The following PRKG1 variants were observed in gnomAD, a reference collection of about 807,000 sequenced individuals.
The protein encoded by PRKG1 is cGMP-dependent protein kinase 1.
Under a neutral mutation model 88.1 loss-of-function variants are expected in PRKG1, and 35 were observed. That is an observed-to-expected ratio of 0.40 (90% CI 0.30 to 0.53). PRKG1 has a LOEUF of 0.53. PRKG1 is among the 20% of genes least tolerant of loss of function. PRKG1 has a pLI of 0.59. For synonymous variants in PRKG1, 303 were observed against 292.5 expected (o/e 1.04, Z -0.37); for missense variants, 540 against 839.8 (o/e 0.64, Z 4.41).
At chr10:52,211,699 TAAA>T (rs57320498) in intron 9 of PRKG1, among the ~76,000 whole-genome samples, 3 of 119,952 alleles carry the variant, frequency 2.5e-5, no homozygotes, top group East Asian at 2.2e-4. Flanking sequence ...CCTATCCTGG[TAAA>T]AAAAAAAAAA....
intron 4 of PRKG1, among the ~76,000 whole-genome samples, chr10:51,900,401 C>T (rs1252265705): frequency 6.6e-6 from 1 of 152,140 alleles, no homozygotes; most frequent in Non-Finnish European, 1.5e-5. Flanking sequence ...TTTTCATACT[C>T]TATTATAACA....
At chr10:51,835,912 A>T (rs1840119728) in intron 4 of PRKG1, among the ~76,000 whole-genome samples, 1 of 152,162 alleles carries the variant, frequency 6.6e-6, no homozygotes, top group Non-Finnish European at 1.5e-5. Context: ...TCATGTTTTT[A>T]ATAATAACAA....
At chr10:51,210,288 C>A (rs1589246507) in intron 2 of PRKG1, among the ~76,000 whole-genome samples, 1 of 151,962 alleles carries the variant, frequency 6.6e-6, no homozygotes, top group African/African-American at 2.4e-5. Context: ...ACACAACATA[C>A]CAGAATCTCT....
intron 1 of PRKG1, among the ~76,000 whole-genome samples, chr10:51,110,515 G>T (rs1304595884): frequency 1.3e-5 from 2 of 152,052 alleles, no homozygotes; most frequent in African/African-American, 4.8e-5. Context: ...GAACAAACCG[G>T]TGGTTGCCTG....
chr10:51,370,574 C>G (rs1842684094), intron 2 of PRKG1, among the ~76,000 whole-genome samples: 1 of 151,334 alleles, frequency 6.6e-6, no homozygotes, highest in Admixed American at 6.6e-5. Context: ...CCCAGCCTTA[C>G]CCTCACCATG....
intron 1 of PRKG1, among the ~76,000 whole-genome samples, chr10:51,042,753 G>A (rs1005986816): frequency 6.6e-6 from 1 of 152,154 alleles, no homozygotes; most frequent in African/African-American, 2.4e-5. Flanking sequence ...TAGACTGGAT[G>A]TTTTTGTCCC....
intron 9 of PRKG1, among the ~76,000 whole-genome samples, chr10:52,244,908 T>A (rs1045689591): frequency 9.8e-4 from 30 of 30,698 alleles, no homozygotes; most frequent in Admixed American, 2.8e-3. Flanking sequence ...ATAAACTTTT[T>A]AAAATATATA....
At chr10:52,224,587 T>A (rs60386263) in intron 9 of PRKG1, among the ~76,000 whole-genome samples, 1 of 106,810 alleles carries the variant, frequency 9.4e-6, no homozygotes, top group Non-Finnish European at 1.9e-5. Context: ...TAGTCTATCC[T>A]TCGCCCCACC....
At chr10:51,122,761 G>A (rs891019985) in intron 1 of PRKG1, among the ~76,000 whole-genome samples, 2 of 152,092 alleles carry the variant, frequency 1.3e-5, no homozygotes, top group East Asian at 3.9e-4. Context: ...TTGTTCTCCC[G>A]TTGAGCATCA....
At chr10:52,089,887 T>A (rs1310876031) in intron 7 of PRKG1, among the ~76,000 whole-genome samples, 1 of 136,024 alleles carries the variant, frequency 7.4e-6, no homozygotes, top group Non-Finnish European at 1.5e-5. Flanking sequence ...CAATCTCGGC[T>A]CACTGCAACC....
At chr10:51,799,359 C>T (rs533161279) in intron 3 of PRKG1, among the ~76,000 whole-genome samples, 2 of 152,184 alleles carry the variant, frequency 1.3e-5, no homozygotes, top group Admixed American at 1.3e-4. Context: ...TCACCTCTGA[C>T]TACCCCCTAG....
intron 9 of PRKG1, among the ~76,000 whole-genome samples, chr10:52,190,526 T>C (rs1393214252): frequency 6.6e-6 from 1 of 152,188 alleles, no homozygotes; most frequent in African/African-American, 2.4e-5. Context: ...CCTGATTTAA[T>C]CCTAACAACT....
At chr10:51,742,594 G>A (rs898285482) in intron 3 of PRKG1, among the ~76,000 whole-genome samples, 1 of 152,170 alleles carries the variant, frequency 6.6e-6, no homozygotes, top group African/African-American at 2.4e-5. Flanking sequence ...ATCATTTGCT[G>A]AGGAATCTGC....
At chr10:51,230,898 G>T (rs1838827611) in intron 2 of PRKG1, among the ~76,000 whole-genome samples, 1 of 152,114 alleles carries the variant, frequency 6.6e-6, no homozygotes, top group South Asian at 2.1e-4. Flanking sequence ...TGGAGGGCTG[G>T]TTGTAGGCAC....
chr10:51,673,892 A>C (rs1033109662), intron 3 of PRKG1, among the ~76,000 whole-genome samples: 1 of 152,164 alleles, frequency 6.6e-6, no homozygotes, highest in Non-Finnish European at 1.5e-5. Flanking sequence ...TAATGTGAAT[A>C]TAATCTTGTA....
intron 2 of PRKG1, among the ~76,000 whole-genome samples, chr10:51,398,153 C>T (rs1266627318): frequency 1.3e-5 from 2 of 152,126 alleles, no homozygotes; most frequent in Admixed American, 1.3e-4. Flanking sequence ...GGTCCCCAAC[C>T]TTTTTGGCAC....
intron 2 of PRKG1, among the ~76,000 whole-genome samples, chr10:51,426,075 A>G (rs1838573444): frequency 6.6e-6 from 1 of 152,206 alleles, no homozygotes; most frequent in African/African-American, 2.4e-5. Context: ...CAGGAGTTTG[A>G]GACCAGCCTG....
chr10:51,004,546 AAGAC>A lies in PRKG1; in HGVS notation c.266+12910_266+12913del, dbSNP rs1291166880. Among the ~76,000 whole-genome samples, 38 of 152,318 alleles carry A rather than the reference AAGAC, an allele frequency of 2.5e-4. No individual in the cohort carries two copies. The Middle Eastern group carries it at 0.01, about 41-fold the overall frequency. Reference sequence around the variant, plus strand: ...TAAACAAAATTAATTTTCTACATTAAAGACAGACAGAATTAAAAAAAATCAAATG... The same window carrying A: ...TAAACAAAATTAATTTTCTACATTAAAGACAGAATTAAAAAAAATCAAATG... On this transcript the variant is annotated intron_variant, in intron 1 of 17. Coordinates refer to the PRKG1 transcript ENST00000401604.
intron 4 of PRKG1, among the ~76,000 whole-genome samples, chr10:51,883,250 C>T (rs1173487167): frequency 6.6e-6 from 1 of 152,188 alleles, no homozygotes; most frequent in Non-Finnish European, 1.5e-5. Flanking sequence ...CTGAATTACA[C>T]CACCATCTTT....
Sources: allele counts gnomAD v4.1 joint callset (sites outside exome capture counted in the v4.1 genomes callset), GRCh38; gene constraint gnomAD v4.1.1; transcripts MANE v1.5; gene names NCBI Gene and HGNC (gene_info 2026-07-23, HGNC 2026-07-21).